The following EIF4G1 variants were observed in gnomAD, a reference collection of about 807,000 sequenced individuals.
The protein encoded by EIF4G1 is eukaryotic translation initiation factor 4 gamma 1, also known as EIF4-gamma.
In EIF4G1, 4 loss-of-function variants were observed where a neutral mutation model predicts 187.8. The ratio of observed to expected loss-of-function variants is 0.02; its 90% CI spans 0.01 to 0.05. The LOEUF is 0.05. Ranked by LOEUF, EIF4G1 falls within the 10% of genes least tolerant of loss-of-function variation. EIF4G1 has a pLI of 1.00. For synonymous variants in EIF4G1, 844 were observed against 781.4 expected, an observed-to-expected ratio of 1.08 and a Z score of -1.34; for missense variants, 1,647 against 2,081.1, an observed-to-expected ratio of 0.79 and a Z score of 4.06.
chr3:184,324,082 C>T (rs1310582202), intron 16 of EIF4G1, 105 bp downstream of exon 16: 11 of 1,605,632 alleles, frequency 6.9e-6, no homozygotes, highest in Non-Finnish European at 8.5e-6. Context: ...GTGCCTCTTC[C>T]AGCTGGAAGG....
intron 6 of EIF4G1, 114 bp downstream of exon 6, chr3:184,317,930 A>G: frequency 1.3e-6 from 1 of 779,372 alleles, no homozygotes; most frequent in Non-Finnish European, 2.2e-6. Context: ...TCTAAAAATG[A>G]TAAGGTTAAT....
At position 184,321,920 on chromosome 3, in the gene EIF4G1, C is replaced by T. The variant is rs1723955360; in HGVS notation, c.1336C>T (p.Pro446Ser). 8 of 1,614,132 alleles carry T rather than the reference C, an allele frequency of 5.0e-6. No homozygotes were observed. Among genetic ancestry groups the T allele is most frequent in the Non-Finnish European group, 6.8e-6 (8 of 1,180,030 alleles). The change falls in exon 10 of 33, where the codon CCT becomes TCT. Residue 446 changes from proline to serine, a missense_variant. Physicochemically the swap from Pro to Ser is moderately conservative, Grantham distance 74. Coordinates refer to ENST00000346169, the MANE Select transcript of EIF4G1 (RefSeq NM_198241.3). ...CCCCTCTGCTACTCCAGCTACGGCT[C>T]CTTCAGCTACTTCCCCAGCTCAGGA... ...TIPSATPATA[P>S]SATSPAQEEE...
rs905071244 is a variant in EIF4G1, at chr3:184,323,297, G to A, written c.2088+56G>A. 1.2e-5 allele frequency: 19 copies of A among 1,612,362 alleles called. No homozygotes were observed. In the Middle Eastern group the frequency reaches 4.9e-4, roughly 42 times the overall value. ...GCAAGGAGTGGGAGTGGATGATTCC[G>A]TGTCTCAGTGCCCGCGGGGAGGGGT... On this transcript the variant is annotated intron_variant, in intron 14 of 32. Transcript: ENST00000346169. This position sits in a 1 kb window ranked among gnomAD's most constrained non-coding sequence, Gnocchi z 6.9.
chr3:184,333,272 TGTG>T, intron 32 of EIF4G1, among the ~76,000 whole-genome samples: 1 of 152,244 alleles, frequency 6.6e-6, no homozygotes, highest in Non-Finnish European at 1.5e-5. Context: ...CAAGTTGAGT[TGTG>T]GTCCTTGAGT....
chr3:184,317,953 T>C, intron 6 of EIF4G1, 137 bp downstream of exon 6: 1 of 717,614 alleles, frequency 1.4e-6, no homozygotes. Flanking sequence ...GTGGTAGGGA[T>C]TGGTGCTTAA....
At chr3:184,322,206 T>G in intron 10 of EIF4G1, 103 bp downstream of exon 10, 1 of 1,579,328 alleles carries the variant, frequency 6.3e-7, no homozygotes, top group Admixed American at 1.7e-5. Flanking sequence ...GTCCCTGCAA[T>G]GGAATCTAAG....
At chr3:184,317,006 C>T (rs1722915690) in intron 4 of EIF4G1, among the ~76,000 whole-genome samples, 3 of 152,060 alleles carry the variant, frequency 2.0e-5, no homozygotes, top group Admixed American at 1.3e-4. Flanking sequence ...AAGGGCCTTA[C>T]TTAGGCATGA....
intron 32 of EIF4G1, among the ~76,000 whole-genome samples, chr3:184,332,388 A>G (rs1212909137): frequency 6.6e-6 from 1 of 152,206 alleles, no homozygotes. Flanking sequence ...ACGGCGTGGC[A>G]CAGGGCTGAA....
chr3:184,322,794 G>A, intron 12 of EIF4G1, 27 bp from the exon 13 acceptor site: 3 of 1,614,180 alleles, frequency 1.9e-6, no homozygotes, highest in Non-Finnish European at 2.5e-6. Flanking sequence ...GAGGCAGTAT[G>A]ATTGCTTCAT....
At chr3:184,320,834 G>T in intron 8 of EIF4G1, 93 bp from the exon 9 acceptor site, 1 of 1,607,326 alleles carries the variant, frequency 6.2e-7, no homozygotes, top group Non-Finnish European at 8.5e-7. Flanking sequence ...TGCTTTCCTG[G>T]ATTTCTAGGC....
In EIF4G1 at chr3:184,334,619, C is replaced by A; in HGVS notation, c.4619-108C>A. The A allele has an allele frequency of 2.3e-6, 3 of 1,322,682 alleles. No individual in the cohort carries two copies. The highest frequency in any genetic ancestry group is 3.2e-6 in the Non-Finnish European group (3 of 927,904). 81.9% of individuals were successfully genotyped at this position (1,322,682 alleles called of 1,614,324 possible). A position where few individuals can be genotyped will look rare whatever the true frequency, so the allele number is the denominator to read the frequency against. ...CTCTGGAATGGCCACAAATGTCAGG[C>A]TGGTGCATCAGGGCCTTGTTTGAAC... is the stretch of plus-strand genomic sequence containing the variant. On this transcript the variant is annotated intron_variant, in intron 32 of 32. Coordinates refer to ENST00000346169, the MANE Select transcript of EIF4G1 (RefSeq NM_198241.3). The surrounding 1 kb of genome is among the most constrained non-coding windows in gnomAD (Gnocchi z 5.8).
At position 184,326,840 on chromosome 3, in the gene EIF4G1, A is replaced by C. The variant is rs758378352; in HGVS notation, c.3326-41A>C. 1.9e-6 allele frequency: 3 copies of C among 1,611,870 alleles called. No individual in the cohort carries two copies. In the African/African-American group the frequency reaches 4.0e-5, roughly 22 times the overall value. Reference sequence around the variant, plus strand: ...GGCAAGTAGGGGATAAAATGCAGGAAAGGAGAAAAAGATTTTAATACGGAT... The same window carrying C: ...GGCAAGTAGGGGATAAAATGCAGGACAGGAGAAAAAGATTTTAATACGGAT... On this transcript the variant is annotated intron_variant, in intron 22 of 32. Transcript: ENST00000346169.
intron 6 of EIF4G1, among the ~76,000 whole-genome samples, chr3:184,318,170 G>A (rs1723112579): frequency 6.6e-6 from 1 of 152,116 alleles, no homozygotes; most frequent in Admixed American, 6.6e-5. Flanking sequence ...ATGTTCTAGG[G>A]AAGGATTAGT....
Position 184,331,453 on chromosome 3 carries a change from C to T in EIF4G1, c.4261-19C>T, listed in dbSNP as rs368812370. The T allele has an allele frequency of 1.5e-5, 25 of 1,614,040 alleles. No homozygotes were observed. The highest frequency in any genetic ancestry group is 6.7e-5 in the African/African-American group (5 of 74,896). On this transcript the variant is annotated intron_variant, in intron 29 of 32. Coordinates refer to ENST00000346169, the MANE Select transcript of EIF4G1 (RefSeq NM_198241.3). ...TGTTGGCAACCTTACCTCTTAACTGCGGGCCTTTTCCATTGCAGAAGGTGG... is the reference window on the plus strand; with the variant it reads ...TGTTGGCAACCTTACCTCTTAACTGTGGGCCTTTTCCATTGCAGAAGGTGG...
At position 184,335,056 on chromosome 3, in the gene EIF4G1, G is replaced by A; in HGVS notation, c.*148G>A. 8.7e-7 allele frequency: 1 copy of A among 1,153,256 alleles called. No homozygotes were observed. Among genetic ancestry groups the A allele is most frequent in the Non-Finnish European group, 1.2e-6 (1 of 811,204 alleles). The allele number at this position is 1,153,256 out of a possible 1,614,324, so 71.4% of individuals were successfully genotyped here. ...AACTAATAAAGTGGCTGAAGAGGCA[G>A]GATGGCTTGGGGCTGCCTGGGCCCC... On this transcript the variant is annotated 3_prime_UTR_variant, in exon 33 of 33. Coordinates refer to ENST00000346169, the MANE Select transcript of EIF4G1 (RefSeq NM_198241.3).
At position 184,315,970 on chromosome 3, in the gene EIF4G1, A is replaced by C. The variant is rs543076329; in HGVS notation, c.60+114A>C. ...GCAAAGTGCAGCCGCCTGCTGCCAAATTGAGACAGGGCCCCTGGGCTGTCC... is the reference window on the plus strand; with the variant it reads ...GCAAAGTGCAGCCGCCTGCTGCCAACTTGAGACAGGGCCCCTGGGCTGTCC... On this transcript the variant is annotated intron_variant, in intron 3 of 32. Transcript: ENST00000346169. 1.2e-5 allele frequency: 18 copies of C among 1,513,016 alleles called. No individual in the cohort carries two copies. The South Asian group carries it at 2.3e-4, about 19-fold the overall frequency. 93.7% of individuals were successfully genotyped at this position (1,513,016 alleles called of 1,614,324 possible).
rs987725542 is a variant in EIF4G1, at chr3:184,323,072, C to T, written c.1930-11C>T. 3 of 1,614,184 alleles carry T rather than the reference C, an allele frequency of 1.9e-6. No individual in the cohort carries two copies. The highest frequency in any genetic ancestry group is 2.5e-6 in the Non-Finnish European group (3 of 1,180,044). On this transcript the variant is annotated splice_polypyrimidine_tract_variant and intron_variant, in intron 13 of 32. Coordinates refer to ENST00000346169, the MANE Select transcript of EIF4G1 (RefSeq NM_198241.3). The surrounding 1 kb of genome is among the most constrained non-coding windows in gnomAD (Gnocchi z 6.9). ...GCCTGCTTCTGAGACCTTTTCCTGT[C>T]CTCTTTGCAGGCCAATAAAACACCA...
chr3:184,328,451 G>A (rs1396271722), intron 26 of EIF4G1, 180 bp from the exon 27 acceptor site: 2 of 866,122 alleles, frequency 2.3e-6, no homozygotes, highest in African/African-American at 3.3e-5. Context: ...AACTTTAGGG[G>A]GTTAAGCGGG....
rs970368704 is a variant in EIF4G1 at position 184,319,685 on chromosome 3, C to T, written c.425-4C>T. On this transcript the variant is annotated splice_region_variant and splice_polypyrimidine_tract_variant and intron_variant, in intron 6 of 32. Coordinates refer to ENST00000346169, the MANE Select transcript of EIF4G1 (RefSeq NM_198241.3). ...CCATTCTTCTCCGTCCCCCCTCCCC[C>T]AAGCTGGCGCCTACTATCCAGCCCA... The T allele has an allele frequency of 1.9e-6, 3 of 1,575,432 alleles. No individual in the cohort carries two copies. The highest frequency in any genetic ancestry group is 2.7e-5 in the African/African-American group (2 of 74,374).
Sources: allele counts gnomAD v4.1 joint callset (sites outside exome capture counted in the v4.1 genomes callset), GRCh38; gene constraint gnomAD v4.1.1; non-coding constraint Gnocchi (gnomAD v3.1); transcripts MANE v1.5; gene names NCBI Gene and HGNC (gene_info 2026-07-23, HGNC 2026-07-21).